HPF1: variants seen among roughly 807,000 people sequenced by gnomAD.
HPF1 encodes the protein histone PARylation factor 1.
HPF1 carries 35 observed loss-of-function variants against 38.8 expected under a neutral mutation model. That is an observed-to-expected ratio of 0.90 (90% CI 0.69 to 1.19). HPF1 has a LOEUF of 1.19. Among genes scored for constraint, HPF1 ranks in the 50% most tolerant of loss-of-function variants. The pLI, the probability that HPF1 is intolerant of heterozygous loss-of-function variation, is 0.00. For missense variants in HPF1, 367 were observed against 405.8 expected (o/e 0.90, Z 0.82); for synonymous variants, 115 against 139.2 (o/e 0.83, Z 1.22).
At chr4:169,753,611 A>G (rs991432147) in intron 2 of HPF1, 65 bp downstream of exon 2, 10 of 1,387,126 alleles carry the variant, frequency 7.2e-6, no homozygotes, top group Non-Finnish European at 1.0e-5. Flanking sequence ...GAGCCACCAC[A>G]CCCAGCTGGT....
At position 169,731,814 on chromosome 4, in the gene HPF1, C is replaced by A; in HGVS notation, c.799G>T (p.Ala267Ser). 6.2e-7 allele frequency: 1 copy of A among 1,611,878 alleles called. No homozygotes were observed. Among genetic ancestry groups the A allele is most frequent in the Non-Finnish European group, 8.5e-7 (1 of 1,179,242 alleles). Residue 267 changes from alanine to serine, a missense_variant, in exon 7 of 8, where the codon GCT becomes TCT. Physicochemically the swap from Ala to Ser is moderately conservative, Grantham distance 99. Transcript: ENST00000393381. ...EAASDEERLKAFAPIQEMMTF... is the reference protein window; with the variant it reads ...EAASDEERLKSFAPIQEMMTF... The stretch of plus-strand genomic sequence containing the variant: ...ATCATTTCCTGAATGGGAGCAAAAG[C>A]TTTTAGTCTCTCCTCATCACTTGCA...
At chr4:169,754,593 T>C (rs1734161229) in intron 1 of HPF1, among the ~76,000 whole-genome samples, 1 of 152,194 alleles carries the variant, frequency 6.6e-6, no homozygotes, top group East Asian at 1.9e-4. Flanking sequence ...AATTGGAAGT[T>C]ACGTATGTTT....
chr4:169,757,154 T>TCCTCCTCC (rs1450024458), intron 1 of HPF1, among the ~76,000 whole-genome samples: 1 of 152,138 alleles, frequency 6.6e-6, no homozygotes, highest in Non-Finnish European at 1.5e-5. Flanking sequence ...ACACACTCTC[T>TCCTCCTCC]CCTCCTCCCC....
At chr4:169,756,254 C>A (rs1734187058) in intron 1 of HPF1, among the ~76,000 whole-genome samples, 1 of 152,174 alleles carries the variant, frequency 6.6e-6, no homozygotes, top group Admixed American at 6.5e-5. Flanking sequence ...CTGAGGTTAA[C>A]CTCCCTACGT....
At chr4:169,737,776 T>G (rs1733917502) in intron 5 of HPF1, 29 bp from the exon 6 acceptor site, 2 of 1,458,846 alleles carry the variant, frequency 1.4e-6, no homozygotes, top group Non-Finnish European at 1.9e-6. Flanking sequence ...TAAAATGTAA[T>G]CATGGTAAGC....
chr4:169,730,403 A>G (rs1026920149), intron 7 of HPF1, among the ~76,000 whole-genome samples: 5 of 152,234 alleles, frequency 3.3e-5, no homozygotes, highest in African/African-American at 1.2e-4. Context: ...TAGCAGGTCA[A>G]GTACTATTTG....
intron 1 of HPF1, among the ~76,000 whole-genome samples, chr4:169,755,744 A>G (rs1178219541): frequency 6.6e-6 from 1 of 152,242 alleles, no homozygotes; most frequent in Non-Finnish European, 1.5e-5. Context: ...TTAGGTATAC[A>G]CTCATGGGAG....
At chr4:169,756,616 A>G (rs1288689309) in intron 1 of HPF1, among the ~76,000 whole-genome samples, 1 of 152,276 alleles carries the variant, frequency 6.6e-6, no homozygotes, top group Non-Finnish European at 1.5e-5. Context: ...AAGGGCATAC[A>G]GTGCCTATAT....
Position 169,729,554 on chromosome 4 carries a change from G to A in HPF1, c.*24C>T, listed in dbSNP as rs1047733. On this transcript the variant is annotated 3_prime_UTR_variant, in exon 8 of 8. Transcript: ENST00000393381. ...TTTAATACTAGTCCTTTGAAATACT[G>A]TACACCAATCAAAGCCACCTTACTC... 1.4e-6 allele frequency: 2 copies of A among 1,480,958 alleles called. No individual in the cohort carries two copies. Among genetic ancestry groups the A allele is most frequent in the Non-Finnish European group, 1.8e-6 (2 of 1,113,360 alleles). The allele number at this position is 1,480,958 out of a possible 1,614,324, so 91.7% of individuals were successfully genotyped here. A position where few individuals can be genotyped will look rare whatever the true frequency, so the allele number is the denominator to read the frequency against.
intron 3 of HPF1, 31 bp downstream of exon 3, chr4:169,750,505 G>T (rs370640964): frequency 1.3e-5 from 20 of 1,488,636 alleles, no homozygotes; most frequent in Non-Finnish European, 1.7e-5. Flanking sequence ...GACAGCAGCT[G>T]TATTTTAGAG....
chr4:169,757,863 G>A lies in HPF1; in HGVS notation c.15C>T (p.Gly5=), dbSNP rs760816547. The A allele has an allele frequency of 5.8e-6, 9 of 1,563,236 alleles. No homozygotes were observed. Among genetic ancestry groups the A allele is most frequent in the South Asian group, 3.5e-5 (3 of 85,858 alleles). ...CCTCTCCGCCGGGCCTGCGCTTCCC[G>A]CCACCGCCGACCATTCTGCAGCTGC... is the stretch of plus-strand genomic sequence containing the variant. MVGG[G]GKRRPGGEGP... The change falls in exon 1 of 8, where the codon GGC becomes GGT. Residue 5 remains glycine (G), a synonymous_variant. Coordinates refer to ENST00000393381, the MANE Select transcript of HPF1 (RefSeq NM_017867.3).
At position 169,748,672 on chromosome 4, in the gene HPF1, C is replaced by T. The variant is rs907685241; in HGVS notation, c.497+72G>A. Reference sequence around the variant, plus strand: ...CAGGTGTAAGCCACTGTGCCCAGCCCCTCAAACCCCCTTTGTAATGGACTA... The same window carrying T: ...CAGGTGTAAGCCACTGTGCCCAGCCTCTCAAACCCCCTTTGTAATGGACTA... On this transcript the variant is annotated intron_variant, in intron 4 of 7. Coordinates refer to ENST00000393381, the MANE Select transcript of HPF1 (RefSeq NM_017867.3). 10 of 721,822 alleles carry T rather than the reference C, an allele frequency of 1.4e-5. No homozygotes were observed. In the Admixed American group the frequency reaches 2.3e-4, roughly 17 times the overall value. The allele number at this position is 721,822 out of a possible 1,614,324, so 44.7% of individuals were successfully genotyped here.
At chr4:169,736,573 C>T (rs1000765703) in intron 6 of HPF1, among the ~76,000 whole-genome samples, 7 of 152,052 alleles carry the variant, frequency 4.6e-5, no homozygotes, top group African/African-American at 1.7e-4. Flanking sequence ...GGAGACTCTG[C>T]ACAGTAAAAT....
At chr4:169,730,423 A>G (rs1259456471) in intron 7 of HPF1, among the ~76,000 whole-genome samples, 1 of 152,218 alleles carries the variant, frequency 6.6e-6, no homozygotes, top group African/African-American at 2.4e-5. Context: ...GGATTGGTCA[A>G]TGACTGTCAT....
At position 169,753,924 on chromosome 4, in the gene HPF1, A is replaced by G. The variant is rs545110662; in HGVS notation, c.49-89T>C. On this transcript the variant is annotated intron_variant, in intron 1 of 7. Transcript: ENST00000393381. The stretch of plus-strand genomic sequence containing the variant: ...CTATCACTCTTGTTCACCCAACTCT[A>G]TGAAATACATGTGTTTTCCTTAAAA... 420 of 967,664 alleles carry G rather than the reference A, an allele frequency of 4.3e-4. 7 individuals carry two copies. In the South Asian group the frequency reaches 6.5e-3, roughly 15 times the overall value. 59.9% of individuals were successfully genotyped at this position (967,664 alleles called of 1,614,324 possible).
intron 1 of HPF1, 28 bp from the exon 2 acceptor site, chr4:169,753,863 C>A: frequency 1.3e-6 from 2 of 1,584,950 alleles, no homozygotes; most frequent in Non-Finnish European, 1.7e-6. Flanking sequence ...AACTTTAGTT[C>A]TCCAAATTTC....
intron 4 of HPF1, among the ~76,000 whole-genome samples, chr4:169,742,660 C>G (rs191824625): frequency 1.3e-5 from 2 of 152,128 alleles, no homozygotes; most frequent in African/African-American, 2.4e-5. Flanking sequence ...GGCGTGATGG[C>G]GGGCGCCTGT....
At chr4:169,752,612 T>G (rs955088571) in intron 2 of HPF1, among the ~76,000 whole-genome samples, 4 of 152,216 alleles carry the variant, frequency 2.6e-5, no homozygotes, top group Admixed American at 2.6e-4. Flanking sequence ...GGTAGCATAC[T>G]CTATACACTC....
intron 1 of HPF1, among the ~76,000 whole-genome samples, chr4:169,756,051 AAGTG>A (rs1480251045): frequency 1.3e-5 from 2 of 152,256 alleles, no homozygotes; most frequent in Non-Finnish European, 2.9e-5. Context: ...ATGAATCCAA[AAGTG>A]AGTATCAATA....
Sources: gnomAD v4.1 joint callset for allele counts (sites outside exome capture counted in the v4.1 genomes callset) on GRCh38, gnomAD v4.1.1 for gene constraint, MANE v1.5 for transcripts, NCBI Gene and HGNC (gene_info 2026-07-23, HGNC 2026-07-21) for gene names.